Variants in SESTD1 observed in about 807,000 individuals in gnomAD.
SESTD1 encodes the protein SEC14 and spectrin domain containing 1, also known as SEC14 domain and spectrin repeat-containing protein 1.
SESTD1 carries 43 observed loss-of-function variants against 101.7 expected under a neutral mutation model. The ratio of observed to expected loss-of-function variants is 0.42; its 90% CI spans 0.33 to 0.55. The LOEUF (loss-of-function observed/expected upper bound fraction) is 0.55. Ranked by LOEUF, SESTD1 falls within the 20% of genes least tolerant of loss-of-function variation. The pLI, the probability that SESTD1 is intolerant of heterozygous loss-of-function variation, is 0.07. For missense variants in SESTD1, 647 were observed against 815.1 expected (o/e 0.79, Z 2.51); for synonymous variants, 283 against 286.8 (o/e 0.99, Z 0.13).
rs150678062 is a variant in SESTD1, at chr2:179,157,245, T to G, written c.370-5854A>C. Among the ~76,000 whole-genome samples the G allele has an allele frequency of 2.7e-3, 408 of 152,122 alleles. 1 individual carries two copies. The highest frequency in any genetic ancestry group is 4.4e-3 in the Non-Finnish European group (297 of 67,992). On this transcript the variant is annotated intron_variant, in intron 5 of 17. Coordinates refer to ENST00000428443, the MANE Select transcript of SESTD1 (RefSeq NM_178123.5). ...GATGACACAAACAAATGGAAACACATCCCATACTCATGGATGAGTAGAATC... is the reference window on the plus strand; with the variant it reads ...GATGACACAAACAAATGGAAACACAGCCCATACTCATGGATGAGTAGAATC...
chr2:179,187,439 A>C (rs2046251011), intron 2 of SESTD1, among the ~76,000 whole-genome samples: 1 of 152,204 alleles, frequency 6.6e-6, no homozygotes. Context: ...AGCCTGGGCA[A>C]TATATAAGGA....
chr2:179,111,961 C>T (rs6739284), intron 17 of SESTD1, among the ~76,000 whole-genome samples: 2,429 of 152,164 alleles, frequency 0.016, 51 homozygotes, highest in African/African-American at 0.055. Context: ...CCTTGTGATC[C>T]GCCCGCTTTG....
intron 15 of SESTD1, 189 bp downstream of exon 15, chr2:179,116,479 G>T: frequency 1.3e-6 from 1 of 786,228 alleles, no homozygotes; most frequent in Non-Finnish European, 2.1e-6. Context: ...TGTATTCAGG[G>T]AAACGTAAAC....
intron 1 of SESTD1, among the ~76,000 whole-genome samples, chr2:179,223,631 CTAT>C (rs2046843962): frequency 6.6e-6 from 1 of 151,858 alleles, no homozygotes; most frequent in Admixed American, 6.6e-5. Context: ...CCAAGTGGTA[CTAT>C]AATCAGAACA....
At chr2:179,173,704 C>A (rs1024645823) in intron 4 of SESTD1, among the ~76,000 whole-genome samples, 1 of 152,160 alleles carries the variant, frequency 6.6e-6, no homozygotes, top group South Asian at 2.1e-4. Flanking sequence ...ACATTCTTTC[C>A]GAAAGGTCCA....
At position 179,168,773 on chromosome 2, in the gene SESTD1, A is replaced by G. The variant is rs186899580; in HGVS notation, c.369+3347T>C. Among the ~76,000 whole-genome samples, 101 of 149,760 alleles carry G rather than the reference A, an allele frequency of 6.7e-4. 2 individuals carry two copies. The East Asian group carries it at 0.016, about 24-fold the overall frequency. On this transcript the variant is annotated intron_variant, in intron 5 of 17. Coordinates refer to ENST00000428443, the MANE Select transcript of SESTD1 (RefSeq NM_178123.5). ...TAATTTAAAATTTTTAATTGCTGTA[A>G]AAGAAAACAGATTATCTGTAGCAAA...
chr2:179,118,768 A>G (rs17363246), intron 13 of SESTD1, among the ~76,000 whole-genome samples: 8,458 of 152,272 alleles, frequency 0.056, 302 homozygotes, highest in South Asian at 0.09. Flanking sequence ...AATATAAGAT[A>G]TGGTCTCTAC....
intron 1 of SESTD1, among the ~76,000 whole-genome samples, chr2:179,197,427 G>A (rs1214932477): frequency 6.6e-6 from 1 of 152,148 alleles, no homozygotes; most frequent in Admixed American, 6.5e-5. Context: ...TAGCAAGGCA[G>A]GCCAACATTC....
intron 5 of SESTD1, among the ~76,000 whole-genome samples, chr2:179,156,719 T>C (rs1255445195): frequency 6.6e-6 from 1 of 152,228 alleles, no homozygotes; most frequent in Non-Finnish European, 1.5e-5. Context: ...ATTCTGCATA[T>C]TGTCCTTTAT....
intron 1 of SESTD1, among the ~76,000 whole-genome samples, chr2:179,209,947 AAT>A (rs1262645165): frequency 1.5e-5 from 2 of 134,582 alleles, no homozygotes; most frequent in Non-Finnish European, 1.6e-5. Flanking sequence ...AACAAAAATC[AAT>A]AGACCATTAA....
rs865847683 is a variant in SESTD1 at position 179,239,397 on chromosome 2, T to G, written c.-26+25102A>C. 4.3e-3 allele frequency among the ~76,000 whole-genome samples: 653 copies of G among 152,314 alleles called. 4 individuals carry two copies. The highest frequency in any genetic ancestry group is 0.015 in the African/African-American group (606 of 41,578). ...GTCATCTGCAGGAAGTACAAGGTTTTTTTTTTGAATCTGCTAAGGTAAAGA... is the reference window on the plus strand; with the variant it reads ...GTCATCTGCAGGAAGTACAAGGTTTGTTTTTTGAATCTGCTAAGGTAAAGA... On this transcript the variant is annotated intron_variant, in intron 1 of 17. Transcript: ENST00000428443.
At position 179,109,673 on chromosome 2, in the gene SESTD1, T is replaced by G. The variant is rs1348905864; in HGVS notation, c.*226A>C. ...TTAAAGCAAGTTTTCAGTGCAATGT[T>G]TATAGTTCCTTCTTTTAAGATACTT... On this transcript the variant is annotated 3_prime_UTR_variant, in exon 18 of 18. Coordinates refer to ENST00000428443, the MANE Select transcript of SESTD1 (RefSeq NM_178123.5). The G allele has an allele frequency of 5.6e-6, 3 of 535,444 alleles. No homozygotes were observed. The African/African-American group carries it at 5.7e-5, about 10-fold the overall frequency. 33.2% of individuals were successfully genotyped at this position (535,444 alleles called of 1,614,324 possible).
At chr2:179,161,111 G>T (rs1248281477) in intron 5 of SESTD1, among the ~76,000 whole-genome samples, 2 of 149,216 alleles carry the variant, frequency 1.3e-5, no homozygotes, top group South Asian at 4.3e-4. Flanking sequence ...TTGTAGAGGA[G>T]GGTTCTCATT....
intron 2 of SESTD1, among the ~76,000 whole-genome samples, chr2:179,185,334 TTAA>T (rs1409957282): frequency 4.1e-5 from 6 of 147,636 alleles, no homozygotes; most frequent in South Asian, 2.1e-4. Context: ...ATAGCATATA[TTAA>T]TATTATACAT....
At chr2:179,259,600 A>C (rs1158446) in intron 1 of SESTD1, among the ~76,000 whole-genome samples, 3,368 of 152,242 alleles carry the variant, frequency 0.022, 129 homozygotes, top group African/African-American at 0.077. Flanking sequence ...TCCACAGCCA[A>C]TGGCTAATAA....
In SESTD1 at chr2:179,201,810, C is replaced by T. The variant is rs1423406308; in HGVS notation, c.-25-9944G>A. Among the ~76,000 whole-genome samples, 2 of 129,124 alleles carry T rather than the reference C, an allele frequency of 1.5e-5. 1 individual carries two copies. Among genetic ancestry groups the T allele is most frequent in the Non-Finnish European group, 3.3e-5 (2 of 61,218 alleles). The allele number at this position is 129,124 out of a possible 152,430, so 84.7% of individuals were successfully genotyped here. ...AGGGGGGAGGGATAGCATTGGGCAA[C>T]ATACCTAATGCTAGATGATGAGTTA... On this transcript the variant is annotated intron_variant, in intron 1 of 17. Coordinates refer to ENST00000428443, the MANE Select transcript of SESTD1 (RefSeq NM_178123.5).
intron 5 of SESTD1, among the ~76,000 whole-genome samples, chr2:179,154,671 G>A (rs1397867236): frequency 6.6e-6 from 1 of 151,990 alleles, no homozygotes; most frequent in Non-Finnish European, 1.5e-5. Context: ...TTATACCACA[G>A]GGATACTTTC....
chr2:179,157,197 A>G (rs2045648636), intron 5 of SESTD1, among the ~76,000 whole-genome samples: 1 of 152,218 alleles, frequency 6.6e-6, no homozygotes, highest in South Asian at 2.1e-4. Context: ...ACAAACTACA[A>G]AACACTGCTG....
intron 7 of SESTD1, among the ~76,000 whole-genome samples, chr2:179,148,856 C>T (rs10173710): frequency 1.3e-5 from 2 of 151,654 alleles, no homozygotes; most frequent in African/African-American, 2.4e-5. Flanking sequence ...GTCAGGAGAT[C>T]GAGACCATTC....
Sources: gnomAD v4.1 joint callset for allele counts (sites outside exome capture counted in the v4.1 genomes callset) on GRCh38, gnomAD v4.1.1 for gene constraint, MANE v1.5 for transcripts, NCBI Gene and HGNC (gene_info 2026-07-23, HGNC 2026-07-21) for gene names.